CIMIP4: variants seen among roughly 807,000 people sequenced by gnomAD.
CIMIP4 encodes the protein protein EAN57.
the CIMIP4 span, chr22:37,003,862 A>C: frequency 1.6e-6 from 2 of 1,263,342 alleles, no homozygotes; most frequent in African/African-American, 3.1e-5. Context: ...GGAGGCCAAC[A>C]CAAGACGGAG....
At chr22:36,999,656 G>A in the CIMIP4 span, among the ~76,000 whole-genome samples, 1 of 149,922 alleles carries the variant, frequency 6.7e-6, no homozygotes, top group African/African-American at 2.5e-5. Flanking sequence ...TCAAGGACAG[G>A]GGACTGGATG....
chr22:36,999,657 G>A, the CIMIP4 span, among the ~76,000 whole-genome samples: 5 of 150,276 alleles, frequency 3.3e-5, no homozygotes, highest in Admixed American at 1.3e-4. Flanking sequence ...CAAGGACAGG[G>A]GACTGGATGT....
the CIMIP4 span, among the ~76,000 whole-genome samples, chr22:37,004,515 C>A: frequency 1.3e-5 from 2 of 152,092 alleles, no homozygotes; most frequent in African/African-American, 4.8e-5. Flanking sequence ...AATGGTCGTT[C>A]GTGCTCAGGG....
chr22:37,004,934 C>T, the CIMIP4 span, among the ~76,000 whole-genome samples: 41 of 152,220 alleles, frequency 2.7e-4, no homozygotes, highest in African/African-American at 7.7e-4. Context: ...GTGATCCACC[C>T]GCCTCAGCCT....
chr22:36,991,304 CAG>C, the CIMIP4 span: 1 of 1,611,296 alleles, frequency 6.2e-7, no homozygotes. Context: ...AGAGCCAGCA[CAG>C]ATTAGATCAT....
the CIMIP4 span, among the ~76,000 whole-genome samples, chr22:37,002,863 C>T: frequency 6.6e-6 from 1 of 152,170 alleles, no homozygotes; most frequent in Non-Finnish European, 1.5e-5. Flanking sequence ...CTACCTCCTC[C>T]CTTCGCCAGG....
At chr22:37,002,186 G>A in the CIMIP4 span, 1 of 1,489,656 alleles carries the variant, frequency 6.7e-7, no homozygotes, top group Non-Finnish European at 8.9e-7. Flanking sequence ...CTGTGGGGAT[G>A]ACAGACCCTG....
At chr22:36,999,779 C>A in the CIMIP4 span, 55 of 1,566,238 alleles carry the variant, frequency 3.5e-5, no homozygotes, top group African/African-American at 5.8e-4. Context: ...AAAGGCCTTC[C>A]CTGCCCAATG....
the CIMIP4 span, among the ~76,000 whole-genome samples, chr22:36,996,689 A>G: frequency 5.3e-5 from 8 of 152,202 alleles, no homozygotes; most frequent in Non-Finnish European, 1.2e-4. Context: ...TATTAATAAC[A>G]TTTGTATGGG....
chr22:36,995,225 G>A, the CIMIP4 span, among the ~76,000 whole-genome samples: 1 of 152,198 alleles, frequency 6.6e-6, no homozygotes, highest in South Asian at 2.1e-4. Context: ...AGAGGGAAAA[G>A]GACAGGACGT....
chr22:37,007,383 G>A, the CIMIP4 span: 1 of 152,306 alleles, frequency 6.6e-6, no homozygotes, highest in East Asian at 1.9e-4. Flanking sequence ...TTCACCAGGT[G>A]GGGCTAAAAT....
At chr22:36,991,138 A>T in the CIMIP4 span, 1 of 1,582,300 alleles carries the variant, frequency 6.3e-7, no homozygotes, top group Non-Finnish European at 8.7e-7. Flanking sequence ...CCTTATTGTT[A>T]GCACTTTATT....
the CIMIP4 span, among the ~76,000 whole-genome samples, chr22:36,997,236 T>A: frequency 6.6e-6 from 1 of 152,122 alleles, no homozygotes; most frequent in Non-Finnish European, 1.5e-5. Context: ...GATTAAAGAG[T>A]TAAATGTGAA....
the CIMIP4 span, among the ~76,000 whole-genome samples, chr22:37,005,448 T>C: frequency 6.6e-6 from 1 of 152,184 alleles, no homozygotes; most frequent in African/African-American, 2.4e-5. Flanking sequence ...GGTGTTGCTA[T>C]AACAAATACT....
the CIMIP4 span, among the ~76,000 whole-genome samples, chr22:36,994,477 C>T: frequency 6.6e-6 from 1 of 152,126 alleles, no homozygotes; most frequent in Admixed American, 6.5e-5. Flanking sequence ...AGGCGTGCGC[C>T]ATCACGCCTA....
At chr22:36,991,198 G>A in the CIMIP4 span, 1 of 1,614,142 alleles carries the variant, frequency 6.2e-7, no homozygotes, top group Non-Finnish European at 8.5e-7. Context: ...GGAGCTCTTG[G>A]ATTTGCTGTT....
At chr22:37,007,006 T>A in the CIMIP4 span, among the ~76,000 whole-genome samples, 1 of 152,188 alleles carries the variant, frequency 6.6e-6, no homozygotes, top group South Asian at 2.1e-4. Context: ...TGCCAACAGC[T>A]CCAGAGTAGC....
At chr22:37,001,012 A>G in the CIMIP4 span, among the ~76,000 whole-genome samples, 1 of 152,130 alleles carries the variant, frequency 6.6e-6, no homozygotes, top group Non-Finnish European at 1.5e-5. Context: ...TAAAGGAAGC[A>G]ATAACTCCTG....
At chr22:37,000,036 C>A in the CIMIP4 span, 1 of 1,566,394 alleles carries the variant, frequency 6.4e-7, no homozygotes, top group South Asian at 1.2e-5. Context: ...CAGTTTCAAG[C>A]CCCATATCTC....
Sources: allele counts gnomAD v4.1 joint callset (sites outside exome capture counted in the v4.1 genomes callset), GRCh38; gene constraint gnomAD v4.1.1; transcripts MANE v1.5; gene names NCBI Gene and HGNC (gene_info 2026-07-23, HGNC 2026-07-21).